Variants in SVOPL observed in about 807,000 individuals in gnomAD.
The protein encoded by SVOPL is putative transporter SVOPL.
Under a neutral mutation model 61.0 loss-of-function variants are expected in SVOPL, and 60 were observed. The observed-to-expected ratio is 0.98, with a 90% CI of 0.80 to 1.22. The LOEUF (loss-of-function observed/expected upper bound fraction) is 1.22. Ranked by LOEUF, SVOPL falls within the 50% of genes most tolerant of loss-of-function variation. The pLI, the probability that SVOPL is intolerant of heterozygous loss-of-function variation, is 0.00. For synonymous variants in SVOPL, 279 were observed against 250.0 expected, an observed-to-expected ratio of 1.12 and a Z score of -1.09; for missense variants, 662 against 643.9, an observed-to-expected ratio of 1.03 and a Z score of -0.30.
intron 14 of SVOPL, among the ~76,000 whole-genome samples, chr7:138,610,375 A>C (rs1191457874): frequency 6.6e-6 from 1 of 152,018 alleles, no homozygotes; most frequent in Non-Finnish European, 1.5e-5. Flanking sequence ...TTGAGCCTAC[A>C]TCACTAACAA....
chr7:138,621,096 T>C lies in SVOPL; in HGVS notation c.1303A>G (p.Ser435Gly). Residue 435 changes from serine to glycine, a missense_variant, in exon 14 of 16, where the codon AGC becomes GGC. Ser to Gly is a moderately conservative substitution (Grantham distance 56). Coordinates refer to ENST00000674285, the MANE Select transcript of SVOPL (RefSeq NM_001139456.2). ...TTMRALGMGT[S>G]GSLCRIGAMV... ...GCACCAATGCGACACAGGGAGCCGCTGGTTCCCATCCCCAAAGCGCGCATC... is the reference window on the plus strand; with the variant it reads ...GCACCAATGCGACACAGGGAGCCGCCGGTTCCCATCCCCAAAGCGCGCATC... The C allele has an allele frequency of 6.2e-7, 1 of 1,613,810 alleles. No individual in the cohort carries two copies. Among genetic ancestry groups the C allele is most frequent in the Non-Finnish European group, 8.5e-7 (1 of 1,179,872 alleles).
intron 14 of SVOPL, among the ~76,000 whole-genome samples, chr7:138,601,307 C>G (rs144970001): frequency 6.6e-6 from 1 of 151,414 alleles, no homozygotes; most frequent in African/African-American, 2.4e-5. Flanking sequence ...TATCTGCACT[C>G]CTACCACAAA....
intron 1 of SVOPL, 79 bp downstream of exon 1, chr7:138,701,099 A>G (rs764162112): frequency 5.3e-5 from 8 of 152,214 alleles, no homozygotes; most frequent in Non-Finnish European, 1.2e-4. Flanking sequence ...GCCACAAACT[A>G]ACAGTCAATG....
rs142794651 is a variant in SVOPL at position 138,644,673 on chromosome 7, G to A, written c.789+44C>T. On this transcript the variant is annotated intron_variant, in intron 9 of 15. Transcript: ENST00000674285. ...CTTCCACAACTGAGGGGATTTCCCA[G>A]TGGCCACTGGTGATAGGAGAAGACC... The A allele has an allele frequency of 2.6e-3, 4,237 of 1,602,462 alleles. 17 individuals are homozygous for A. Among genetic ancestry groups the A allele is most frequent in the Middle Eastern group, 0.014 (77 of 5,552 alleles).
intron 5 of SVOPL, chr7:138,661,283 G>T: frequency 1.0e-6 from 1 of 985,412 alleles, no homozygotes; most frequent in Non-Finnish European, 1.2e-6. Context: ...CTTTGAGCAC[G>T]TAGCTAGTTT....
At chr7:138,652,138 G>GC (rs1801471028) in intron 7 of SVOPL, among the ~76,000 whole-genome samples, 1 of 151,776 alleles carries the variant, frequency 6.6e-6, no homozygotes, top group Admixed American at 6.6e-5. Flanking sequence ...TGCAACTTCT[G>GC]CCCCCCAGGT....
In SVOPL at chr7:138,641,813, GT is replaced by G. The variant is rs1001773262; in HGVS notation, c.789+2903del. 4.6e-4 allele frequency among the ~76,000 whole-genome samples: 10 copies of G among 21,860 alleles called. 1 individual carries two copies. Among genetic ancestry groups the G allele is most frequent in the Admixed American group, 2.0e-3 (3 of 1,470 alleles). 14.3% of individuals were successfully genotyped at this position (21,860 alleles called of 152,430 possible). A position where few individuals can be genotyped will look rare whatever the true frequency, so the allele number is the denominator to read the frequency against. On this transcript the variant is annotated intron_variant, in intron 9 of 15. Coordinates refer to ENST00000674285, the MANE Select transcript of SVOPL (RefSeq NM_001139456.2). ...ATCTAGACGTATCAAATATATATAT[GT>G]TATATATATATATATATATAACATA...
At chr7:138,672,423 G>A (rs189148882) in intron 3 of SVOPL, among the ~76,000 whole-genome samples, 2 of 152,200 alleles carry the variant, frequency 1.3e-5, no homozygotes, top group East Asian at 3.9e-4. Flanking sequence ...CTGTGTGAAG[G>A]CCACTCCCAT....
chr7:138,671,948 CCTGCAGGATGGAGG>C (rs1802429907), intron 4 of SVOPL, 57 bp downstream of exon 4: 1 of 1,410,024 alleles, frequency 7.1e-7, no homozygotes, highest in African/African-American at 1.4e-5. Context: ...GGCTCTCAGC[CCTGCAGGATGGAGG>C]AAAGGGAGCC....
At chr7:138,656,019 A>G (rs1460751582) in intron 7 of SVOPL, among the ~76,000 whole-genome samples, 1 of 152,188 alleles carries the variant, frequency 6.6e-6, no homozygotes. Context: ...AAGTCCATTG[A>G]TGTGGCAAAC....
rs200146144 is a variant in SVOPL at position 138,622,070 on chromosome 7, GTATCTATCTATC to G, written c.1264-947_1264-936del. 9.2e-3 allele frequency among the ~76,000 whole-genome samples: 202 copies of G among 22,074 alleles called. 1 individual carries two copies. The highest frequency in any genetic ancestry group is 0.028 in the African/African-American group (194 of 6,942). The allele number at this position is 22,074 out of a possible 152,430, so 14.5% of individuals were successfully genotyped here. A position where few individuals can be genotyped will look rare whatever the true frequency, so the allele number is the denominator to read the frequency against. On this transcript the variant is annotated intron_variant, in intron 13 of 15. Transcript: ENST00000674285. The stretch of plus-strand genomic sequence containing the variant: ...TCTATCTATGTATCTATCTATCTAT[GTATCTATCTATC>G]TATCTATGTATCTATCTATCTATCT...
intron 14 of SVOPL, 122 bp downstream of exon 14, chr7:138,620,924 A>T (rs911287294): frequency 6.9e-6 from 6 of 866,782 alleles, no homozygotes; most frequent in South Asian, 6.3e-5. Context: ...GGGAAACGGC[A>T]CCTCCAGAAA....
chr7:138,597,312 A>T lies in SVOPL; in HGVS notation c.1354-782T>A. 3 of 1,085,676 alleles carry T rather than the reference A, an allele frequency of 2.8e-6. No homozygotes were observed. In the Admixed American group the frequency reaches 7.7e-5, roughly 28 times the overall value. 67.3% of individuals were successfully genotyped at this position (1,085,676 alleles called of 1,614,324 possible). On this transcript the variant is annotated intron_variant, in intron 14 of 15. Coordinates refer to ENST00000674285, the MANE Select transcript of SVOPL (RefSeq NM_001139456.2). ...CCTAGAAACTATCTGGCTGAATACA[A>T]TTTCTTCCCTTTACAGATGAGCCTA...
chr7:138,657,146 AT>A (rs1380865141), intron 6 of SVOPL, among the ~76,000 whole-genome samples: 4 of 92,106 alleles, frequency 4.3e-5, no homozygotes, highest in Non-Finnish European at 8.0e-5. Flanking sequence ...TTATTTATTT[AT>A]TTATTTATTT....
chr7:138,694,284 G>A (rs1319613359), intron 1 of SVOPL, among the ~76,000 whole-genome samples: 10 of 152,160 alleles, frequency 6.6e-5, no homozygotes, highest in South Asian at 2.1e-4. Flanking sequence ...TCGCTCTGTC[G>A]CCCAGGCTGG....
chr7:138,663,804 T>TGACG lies in SVOPL; in HGVS notation c.274-663_274-660dup, dbSNP rs201611826. ...GTTCAGGCTTCACTGCAGCCCTGACTGACGGCCTCCAGGGCAATCAAAGGA... is the reference window on the plus strand; with the variant it reads ...GTTCAGGCTTCACTGCAGCCCTGACTGACGGACGGCCTCCAGGGCAATCAAAGGA... On this transcript the variant is annotated intron_variant, in intron 4 of 15. Transcript: ENST00000674285. Among the ~76,000 whole-genome samples, 555 of 150,880 alleles carry TGACG rather than the reference T, an allele frequency of 3.7e-3. 6 individuals carry two copies. Among genetic ancestry groups the TGACG allele is most frequent in the African/African-American group, 0.013 (516 of 40,546 alleles).
intron 1 of SVOPL, among the ~76,000 whole-genome samples, chr7:138,700,364 A>G (rs1362232392): frequency 1.6e-5 from 2 of 124,398 alleles, no homozygotes; most frequent in African/African-American, 3.1e-5. Context: ...TTTGAGACAG[A>G]GTCTTACTCT....
intron 14 of SVOPL, among the ~76,000 whole-genome samples, chr7:138,602,917 C>T (rs964255352): frequency 1.6e-4 from 25 of 152,170 alleles, no homozygotes; most frequent in African/African-American, 6.0e-4. Flanking sequence ...GGTTATCCAT[C>T]TGCCTCTGCA....
chr7:138,700,356 T>TTTTTGG (rs71179724), intron 1 of SVOPL, among the ~76,000 whole-genome samples: 2 of 132,692 alleles, frequency 1.5e-5, no homozygotes, highest in Non-Finnish European at 3.2e-5. Context: ...TTTTTTTTTT[T>TTTTTGG]GAGACAGAGT....
Sources: allele counts gnomAD v4.1 joint callset (sites outside exome capture counted in the v4.1 genomes callset), GRCh38; gene constraint gnomAD v4.1.1; transcripts MANE v1.5; gene names NCBI Gene and HGNC (gene_info 2026-07-23, HGNC 2026-07-21).